The following MDN1 variants were observed in gnomAD, a reference collection of about 807,000 sequenced individuals.
MDN1 encodes the protein midasin AAA ATPase 1.
In MDN1, 266 loss-of-function variants were observed where a neutral mutation model predicts 669.2. That is an observed-to-expected ratio of 0.40 (90% CI 0.36 to 0.44). The LOEUF is 0.44. Among genes scored for constraint, MDN1 ranks in the 20% least tolerant of loss-of-function variants. The probability of loss-of-function intolerance (pLI) is 1.00; values close to 1 mark genes in which losing one functional copy is unlikely to be tolerated. For synonymous variants in MDN1, 2,385 were observed against 2,457.1 expected (o/e 0.97, Z 0.87); for missense variants, 5,940 against 6,754.0 (o/e 0.88, Z 4.22).
chr6:89,802,656 T>G (rs959036111), intron 2 of MDN1, among the ~76,000 whole-genome samples: 24 of 151,988 alleles, frequency 1.6e-4, no homozygotes, highest in African/African-American at 4.8e-4. Flanking sequence ...GCCACTGCAC[T>G]CTAGCCTGGT....
intron 21 of MDN1, 117 bp downstream of exon 21, chr6:89,753,966 A>C: frequency 9.8e-7 from 1 of 1,020,300 alleles, no homozygotes; most frequent in Non-Finnish European, 1.4e-6. Context: ...AAGAGGTATT[A>C]TGGGCTGATC....
Position 89,672,627 on chromosome 6 carries a change from C to CA in MDN1, c.13549dup (p.Cys4517LeufsTer12). ...TCTTTCTTCTAAGTTCTGGATGGCA[C>CA]AGAGGATGGCTCGGATGGCAATTTC... is the stretch of plus-strand genomic sequence containing the variant. On this transcript the variant is annotated frameshift_variant, in exon 81 of 102. Transcript: ENST00000369393. LOFTEE classifies it high-confidence loss of function. 1 of 1,614,042 alleles carries CA rather than the reference C, an allele frequency of 6.2e-7. No individual in the cohort carries two copies. The highest frequency in any genetic ancestry group is 8.5e-7 in the Non-Finnish European group (1 of 1,180,038).
intron 1 of MDN1, chr6:89,814,688 T>C: frequency 3.7e-6 from 1 of 272,390 alleles, no homozygotes; most frequent in South Asian, 3.9e-5. Flanking sequence ...GGTTTCTCAG[T>C]GGCAGGATGC....
Position 89,712,148 on chromosome 6 carries a change from T to C in MDN1, c.7539A>G (p.Pro2513=). 3.1e-6 allele frequency: 5 copies of C among 1,614,058 alleles called. No homozygotes were observed. The highest frequency in any genetic ancestry group is 3.4e-6 in the Non-Finnish European group (4 of 1,180,008). ...ATTTAACAGCCATGACCAAAACATC[T>C]GGTTCATCGATCCAGTAAGTATTCA... ...VEVNTYWIDE[P]DVLVMAVKLL... is the part of the protein sequence containing the mutation. The change falls in exon 49 of 102, where the codon CCA becomes CCG. Residue 2513 remains proline (P), a synonymous_variant. Transcript: ENST00000369393.
chr6:89,806,913 C>G (rs569241275), intron 1 of MDN1, among the ~76,000 whole-genome samples: 30 of 151,960 alleles, frequency 2.0e-4, no homozygotes, highest in Non-Finnish European at 3.2e-4. Context: ...GAATGAGACT[C>G]TCTTAAAAAT....
At position 89,700,788 on chromosome 6, in the gene MDN1, C is replaced by A; in HGVS notation, c.8496G>T (p.Gln2832His). ...VLNKVLAIRE[Q>H]MSALGESGWQ... The stretch of plus-strand genomic sequence containing the variant: ...ATCCACTCTCCCCAAGGGCAGACAT[C>A]TGCTCCCTGATGGCAAGGACTTTGT... Residue 2832 changes from glutamine (Q) to histidine (H), a missense_variant, in exon 56 of 102, where the codon CAG (glutamine) becomes CAT (histidine). Physicochemically the swap from Gln to His is conservative, Grantham distance 24 (BLOSUM62 0). Coordinates refer to ENST00000369393, the MANE Select transcript of MDN1 (RefSeq NM_014611.3). 6.2e-7 allele frequency: 1 copy of A among 1,614,220 alleles called. No individual in the cohort carries two copies. Among genetic ancestry groups the A allele is most frequent in the Non-Finnish European group, 8.5e-7 (1 of 1,180,036 alleles).
intron 1 of MDN1, among the ~76,000 whole-genome samples, chr6:89,815,716 C>T (rs1439743368): frequency 1.3e-5 from 2 of 152,192 alleles, no homozygotes; most frequent in African/African-American, 4.8e-5. Flanking sequence ...TTTGCTTCAT[C>T]TACAATGTGA....
intron 101 of MDN1, among the ~76,000 whole-genome samples, 198 bp downstream of exon 101, chr6:89,644,816 AT>A (rs762015070): frequency 2.6e-5 from 4 of 152,234 alleles, no homozygotes; most frequent in Non-Finnish European, 5.9e-5. Context: ...AGTGGGAATA[AT>A]GATCCCTACC....
chr6:89,762,439 A>C lies in MDN1; in HGVS notation c.2236T>G (p.Phe746Val). Residue 746 changes from phenylalanine to valine, a missense_variant, in exon 16 of 102, where the codon TTT becomes GTT. Physicochemically the swap from Phe to Val is conservative, Grantham distance 50. Coordinates refer to ENST00000369393, the MANE Select transcript of MDN1 (RefSeq NM_014611.3). ...FAQTFSKKQN[F>V]TFLGHIQTCY... The stretch of plus-strand genomic sequence containing the variant: ...GTCTGAATGTGCCCCAAGAACGTAA[A>C]GTTTTGTTTCTTGGAAAATGTCTGA... The C allele has an allele frequency of 6.2e-7, 1 of 1,614,110 alleles. No homozygotes were observed. The highest frequency in any genetic ancestry group is 8.5e-7 in the Non-Finnish European group (1 of 1,179,980).
At chr6:89,789,175 T>C (rs1472884616) in intron 7 of MDN1, among the ~76,000 whole-genome samples, 1 of 151,956 alleles carries the variant, frequency 6.6e-6, no homozygotes, top group Non-Finnish European at 1.5e-5. Context: ...GAAAACTCTG[T>C]CCAAAGGAAG....
chr6:89,743,647 A>G lies in MDN1; in HGVS notation c.4246T>C (p.Cys1416Arg). 11 of 1,614,152 alleles carry G rather than the reference A, an allele frequency of 6.8e-6. No individual in the cohort carries two copies. Among genetic ancestry groups the G allele is most frequent in the Non-Finnish European group, 9.3e-6 (11 of 1,179,982 alleles). The stretch of plus-strand genomic sequence containing the variant: ...TCTGATGTCTCCATGTGTAAGTGGC[A>G]GCTGACAGAGTATAATTTCTGATTT... Reference protein sequence around the residue: ...LANQKLYSVSCHLHMETSDFL... With the variant: ...LANQKLYSVSRHLHMETSDFL... Residue 1416 changes from cysteine to arginine, a missense_variant, in exon 30 of 102, where the codon TGC (cysteine) becomes CGC (arginine). This residue lies in a region of MDN1 where 2,292 missense variants were observed against 2,638.3 expected (regional missense o/e 0.87). Transcript: ENST00000369393.
At chr6:89,657,397 G>A (rs1217337329) in intron 90 of MDN1, among the ~76,000 whole-genome samples, 1 of 152,170 alleles carries the variant, frequency 6.6e-6, no homozygotes, top group African/African-American at 2.4e-5. Flanking sequence ...CAGGTCCTGC[G>A]TTGACATCCC....
In MDN1 at chr6:89,674,474, G is replaced by A. The variant is rs368447804; in HGVS notation, c.12877C>T (p.Leu4293=). ...VQQWTERLQH[L]AMQCQILLEQ... ...AGCAGGATCTGGCACTGCATGGCCA[G>A]GTGCTGCAGGCGCTCTGTCCACTGC... Residue 4293 remains leucine (L), a synonymous_variant, in exon 79 of 102, where the codon CTG becomes TTG. Transcript: ENST00000369393. The A allele has an allele frequency of 1.2e-6, 2 of 1,613,348 alleles. No individual in the cohort carries two copies. The highest frequency in any genetic ancestry group is 1.7e-6 in the Non-Finnish European group (2 of 1,179,982).
intron 1 of MDN1, among the ~76,000 whole-genome samples, chr6:89,806,752 A>T (rs945717220): frequency 3.3e-5 from 5 of 151,082 alleles, no homozygotes; most frequent in Non-Finnish European, 7.4e-5. Context: ...AAGCTTAATT[A>T]AAAAATTTTT....
intron 2 of MDN1, among the ~76,000 whole-genome samples, chr6:89,798,304 G>C (rs1414933973): frequency 6.6e-6 from 1 of 151,886 alleles, no homozygotes; most frequent in Non-Finnish European, 1.5e-5. Flanking sequence ...ACCTGAGGTT[G>C]GGAGTTCGAG....
At position 89,706,103 on chromosome 6, in the gene MDN1, C is replaced by T; in HGVS notation, c.8104G>A (p.Val2702Ile). The change falls in exon 53 of 102, where the codon GTA becomes ATA. Residue 2702 changes from valine (V) to isoleucine (I), a missense_variant. Physicochemically the swap from Val to Ile is conservative, Grantham distance 29 (BLOSUM62 3). Around this residue, in one of 5 missense-constraint regions of MDN1, gnomAD observed 2,292 missense variants for 2,638.3 expected, o/e 0.87. Coordinates refer to ENST00000369393, the MANE Select transcript of MDN1 (RefSeq NM_014611.3). ...ELCDALVLLW[V>I]QSSQGMVSDA... ...GACACCATTCCCTGGGAGGACTGTACCCAGAGCAGGACTAGTGCATCACAA... is the reference window on the plus strand; with the variant it reads ...GACACCATTCCCTGGGAGGACTGTATCCAGAGCAGGACTAGTGCATCACAA... The T allele has an allele frequency of 6.2e-7, 1 of 1,612,764 alleles. No homozygotes were observed. Among genetic ancestry groups the T allele is most frequent in the South Asian group, 1.1e-5 (1 of 90,910 alleles).
chr6:89,806,429 T>C (rs1768025258), intron 1 of MDN1, among the ~76,000 whole-genome samples: 1 of 151,968 alleles, frequency 6.6e-6, no homozygotes, highest in African/African-American at 2.4e-5. Flanking sequence ...AAAAATTAGC[T>C]GGTGTGGCCA....
At position 89,743,262 on chromosome 6, in the gene MDN1, T is replaced by C. The variant is rs777546975; in HGVS notation, c.4336A>G (p.Arg1446Gly). 6.8e-6 allele frequency: 11 copies of C among 1,614,120 alleles called. No homozygotes were observed. In the Admixed American group the frequency reaches 1.7e-4, roughly 24 times the overall value. ...PNDKEEIDTS[R>G]LFEWHDGPLV... The stretch of plus-strand genomic sequence containing the variant: ...GGCCCATCATGCCACTCAAAGAGTC[T>C]TGATGTGTCAATTTCTTCCTATAAT... Residue 1446 changes from arginine to glycine, a missense_variant, in exon 31 of 102, where the codon AGA (arginine) becomes GGA (glycine). Arg to Gly is a moderately radical substitution (Grantham distance 125). Coordinates refer to ENST00000369393, the MANE Select transcript of MDN1 (RefSeq NM_014611.3).
intron 96 of MDN1, 54 bp from the exon 97 acceptor site, chr6:89,650,252 T>A: frequency 6.5e-7 from 1 of 1,541,856 alleles, no homozygotes; most frequent in Non-Finnish European, 8.8e-7. Context: ...TTCCTGAGAA[T>A]TTTTATTAAG....
Sources: gnomAD v4.1 joint callset for allele counts (sites outside exome capture counted in the v4.1 genomes callset) on GRCh38, gnomAD v4.1.1 for gene constraint, gnomAD v4.1.1 regional missense constraint, MANE v1.5 for transcripts, NCBI Gene and HGNC (gene_info 2026-07-23, HGNC 2026-07-21) for gene names.